DIS3: variants seen among roughly 807,000 people sequenced by gnomAD.
DIS3 encodes the protein exosome complex exonuclease RRP44.
In DIS3, 103 loss-of-function variants were observed where a neutral mutation model predicts 113.0. The observed-to-expected ratio is 0.91, with a 90% confidence interval of 0.78 to 1.07. The LOEUF (loss-of-function observed/expected upper bound fraction) is 1.07. Among genes scored for constraint, DIS3 ranks in the 50% least tolerant of loss-of-function variants. The probability of loss-of-function intolerance (pLI) is 0.00; values close to 1 mark genes in which losing one functional copy is unlikely to be tolerated. For missense variants in DIS3, 1,121 were observed against 1,167.1 expected, an observed-to-expected ratio of 0.96 and a Z score of 0.58; for synonymous variants, 402 against 394.3, an observed-to-expected ratio of 1.02 and a Z score of -0.23.
chr13:72,765,788 G>A (rs1035580419), intron 15 of DIS3, among the ~76,000 whole-genome samples, 184 bp downstream of exon 15: 2 of 152,118 alleles, frequency 1.3e-5, no homozygotes, highest in Admixed American at 6.5e-5. Flanking sequence ...GCGACTAAAC[G>A]CAGTTTTATA....
In DIS3 at chr13:72,761,667, T is replaced by C. The variant is rs779777442; in HGVS notation, c.2490A>G (p.Ala830=). ...ATACCTGGGTATGAAAAGCCACTGA[T>C]GCACGTTGGGCATATTGAGCCATTT... ...RHKMAQYAQR[A]SVAFHTQLFF... The change falls in exon 18 of 21, where the codon GCA becomes GCG. Residue 830 remains alanine (A), a synonymous_variant. Coordinates refer to ENST00000377767, the MANE Select transcript of DIS3 (RefSeq NM_014953.5). 3 of 1,608,120 alleles carry C rather than the reference T, an allele frequency of 1.9e-6. No homozygotes were observed. Among genetic ancestry groups the C allele is most frequent in the South Asian group, 1.1e-5 (1 of 88,866 alleles).
At chr13:72,772,403 C>A in intron 9 of DIS3, 128 bp from the exon 10 acceptor site, 1 of 770,618 alleles carries the variant, frequency 1.3e-6, no homozygotes, top group African/African-American at 1.8e-5. Flanking sequence ...ATGACAACCA[C>A]ATTTCTTTTT....
At position 72,758,891 on chromosome 13, in the gene DIS3, ATTAAT is replaced by A. The variant is rs2033557743; in HGVS notation, c.*899_*903del. 1 of 182,602 alleles carries A rather than the reference ATTAAT, an allele frequency of 5.5e-6. No individual in the cohort carries two copies. Among genetic ancestry groups the A allele is most frequent in the Non-Finnish European group, 1.2e-5 (1 of 85,774 alleles). The allele number at this position is 182,602 out of a possible 1,614,324, so 11.3% of individuals were successfully genotyped here. On this transcript the variant is annotated 3_prime_UTR_variant, in exon 21 of 21. Transcript: ENST00000377767. The stretch of plus-strand genomic sequence containing the variant: ...CCTATCCCAAAATATTCCTGAAGAT[ATTAAT>A]TTAATCATTACTAATCTCTGTGATT...
rs1416913122 is a variant in DIS3, at chr13:72,759,754, T to TA, written c.*40dup. On this transcript the variant is annotated 3_prime_UTR_variant, in exon 21 of 21. Transcript: ENST00000377767. ...AAGTGTTCTTTCAAGTTTTTTCTTT[T>TA]AAAAAAGAAACCAGTCTTTGAAGAT... is the stretch of plus-strand genomic sequence containing the variant. 6.4e-7 allele frequency: 1 copy of TA among 1,552,494 alleles called. No homozygotes were observed. The highest frequency in any genetic ancestry group is 1.4e-5 in the African/African-American group (1 of 72,656).
At chr13:72,768,198 A>C (rs913765843) in intron 14 of DIS3, among the ~76,000 whole-genome samples, 1 of 152,226 alleles carries the variant, frequency 6.6e-6, no homozygotes, top group African/African-American at 2.4e-5. Context: ...CTCATTTCTA[A>C]TTAAAATTAG....
In DIS3 at chr13:72,773,703, C is replaced by T. The variant is rs537142419; in HGVS notation, c.1220G>A (p.Arg407Lys). ...RIIVAIDGWP[R>K]NSRYPNGHFV... Reference sequence around the variant, plus strand: ...GCTTACATTTGGATATCTGGAATTTCTGGGCCAACCATCAATAGCAACAAT... The same window carrying T: ...GCTTACATTTGGATATCTGGAATTTTTGGGCCAACCATCAATAGCAACAAT... The change falls in exon 8 of 21, where the codon AGA becomes AAA. Residue 407 changes from arginine (R) to lysine (K), a missense_variant. Arg to Lys is a conservative substitution (Grantham distance 26). Transcript: ENST00000377767. The T allele has an allele frequency of 6.2e-7, 1 of 1,610,032 alleles. No homozygotes were observed. The highest frequency in any genetic ancestry group is 8.5e-7 in the Non-Finnish European group (1 of 1,179,068).
intron 9 of DIS3, 74 bp downstream of exon 9, chr13:72,772,619 C>A: frequency 1.4e-6 from 2 of 1,474,552 alleles, no homozygotes; most frequent in South Asian, 1.4e-5. Flanking sequence ...TATTTAAAAA[C>A]ACATATAGAA....
chr13:72,766,119 G>C, intron 14 of DIS3, 61 bp from the exon 15 acceptor site: 7 of 1,386,028 alleles, frequency 5.1e-6, no homozygotes, highest in Non-Finnish European at 6.9e-6. Flanking sequence ...CAAAAGTATA[G>C]AAATTATTCT....
intron 1 of DIS3, chr13:72,781,226 G>C: frequency 1.3e-6 from 2 of 1,529,100 alleles, no homozygotes; most frequent in Non-Finnish European, 1.8e-6. Context: ...AGACTTCGTA[G>C]AATTAAGGGT....
Position 72,775,195 on chromosome 13 carries a change from C to T in DIS3, c.987+16G>A. 1 of 1,584,218 alleles carries T rather than the reference C, an allele frequency of 6.3e-7. No homozygotes were observed. The highest frequency in any genetic ancestry group is 8.6e-7 in the Non-Finnish European group (1 of 1,167,422). The stretch of plus-strand genomic sequence containing the variant: ...AAAGCTACACAGACAAAAAAAAATC[C>T]TGCTTAGATTCATACCATTCGTTCT... On this transcript the variant is annotated intron_variant, in intron 6 of 20. Coordinates refer to ENST00000377767, the MANE Select transcript of DIS3 (RefSeq NM_014953.5).
chr13:72,781,631 G>C lies in DIS3; in HGVS notation c.202C>G (p.Pro68Ala), dbSNP rs915976842. 6.5e-7 allele frequency: 1 copy of C among 1,538,026 alleles called. No homozygotes were observed. The highest frequency in any genetic ancestry group is 8.8e-7 in the Non-Finnish European group (1 of 1,140,490). ...TGGTGCAGTAACACATTAGTGTCGG[G>C]CAGCAAGTAGTGCGGTTGCGGGCAG... The part of the protein sequence containing the change: ...SVCPQPHYLL[P>A]DTNVLLHQID... Residue 68 changes from proline (P) to alanine (A), a missense_variant, in exon 1 of 21, where the codon CCC becomes GCC. Transcript: ENST00000377767.
chr13:72,772,894 A>G, intron 8 of DIS3, 55 bp from the exon 9 acceptor site: 2 of 1,502,512 alleles, frequency 1.3e-6, no homozygotes, highest in Non-Finnish European at 1.8e-6. Context: ...TTTACATCTT[A>G]TCATATTAAA....
At chr13:72,767,803 C>T (rs139137965) in intron 14 of DIS3, among the ~76,000 whole-genome samples, 1 of 152,296 alleles carries the variant, frequency 6.6e-6, no homozygotes, top group Non-Finnish European at 1.5e-5. Flanking sequence ...TCCGCACTCA[C>T]CACACCTTTA....
chr13:72,766,129 T>C (rs1280167931), intron 14 of DIS3, 71 bp from the exon 15 acceptor site: 2 of 1,338,812 alleles, frequency 1.5e-6, no homozygotes, highest in African/African-American at 3.0e-5. Context: ...GAAATTATTC[T>C]TTTAAAAAAG....
At position 72,763,345 on chromosome 13, in the gene DIS3, G is replaced by A. The variant is rs148253442; in HGVS notation, c.2127+106C>T. Reference sequence around the variant, plus strand: ...AAAAAAGAACTATTGGCATATTCTTGTATTAACAAACAATAAAACCTTTAT... The same window carrying A: ...AAAAAAGAACTATTGGCATATTCTTATATTAACAAACAATAAAACCTTTAT... On this transcript the variant is annotated intron_variant, in intron 16 of 20. Coordinates refer to ENST00000377767, the MANE Select transcript of DIS3 (RefSeq NM_014953.5). 5.0e-3 allele frequency: 6,504 copies of A among 1,302,846 alleles called. 31 individuals carry two copies. The highest frequency in any genetic ancestry group is 0.014 in the Middle Eastern group (58 of 4,252). 80.7% of individuals were successfully genotyped at this position (1,302,846 alleles called of 1,614,324 possible).
intron 15 of DIS3, among the ~76,000 whole-genome samples, chr13:72,763,940 G>A (rs1222603840): frequency 6.6e-6 from 1 of 152,082 alleles, no homozygotes; most frequent in Non-Finnish European, 1.5e-5. Flanking sequence ...TTTGAGCCCA[G>A]GAGTTCGAGG....
At chr13:72,775,449 A>G in intron 5 of DIS3, 74 bp from the exon 6 acceptor site, 1 of 1,435,540 alleles carries the variant, frequency 7.0e-7, no homozygotes, top group Non-Finnish European at 9.3e-7. Context: ...ATCATCTAAC[A>G]GATATTTACA....
rs762183441 is a variant in DIS3 at position 72,753,710 on chromosome 13, G to A, written c.*6085C>T. 11 of 1,612,006 alleles carry A rather than the reference G, an allele frequency of 6.8e-6. No homozygotes were observed. The highest frequency in any genetic ancestry group is 2.7e-5 in the African/African-American group (2 of 74,730). On this transcript the variant is annotated 3_prime_UTR_variant, in exon 21 of 21. Coordinates refer to ENST00000377767, the MANE Select transcript of DIS3 (RefSeq NM_014953.5). ...GTCAGATGGATAGTGGCTATAATACGCAGAATTGTGGAAGCAATATTATGG... is the reference window on the plus strand; with the variant it reads ...GTCAGATGGATAGTGGCTATAATACACAGAATTGTGGAAGCAATATTATGG...
Position 72,772,646 on chromosome 13 carries a change from C to A in DIS3, c.1386+47G>T, listed in dbSNP as rs777500781. 4 of 1,548,626 alleles carry A rather than the reference C, an allele frequency of 2.6e-6. No homozygotes were observed. The East Asian group carries it at 6.8e-5, about 26-fold the overall frequency. On this transcript the variant is annotated intron_variant, in intron 9 of 20. Transcript: ENST00000377767. Reference sequence around the variant, plus strand: ...CATATAGAAATTAAACAAAACTAGGCAGGATATAATAATTTATAAAGTCAC... The same window carrying A: ...CATATAGAAATTAAACAAAACTAGGAAGGATATAATAATTTATAAAGTCAC...
Sources: gnomAD v4.1 joint callset for allele counts (sites outside exome capture counted in the v4.1 genomes callset) on GRCh38, gnomAD v4.1.1 for gene constraint, MANE v1.5 for transcripts, NCBI Gene and HGNC (gene_info 2026-07-23, HGNC 2026-07-21) for gene names.